SYN2: variants seen among roughly 807,000 people sequenced by gnomAD.
SYN2 encodes the protein synapsin-2.
A neutral mutation model predicts 50.9 loss-of-function variants in SYN2; 19 were observed. That is an observed-to-expected ratio of 0.37 (90% CI 0.26 to 0.55). The LOEUF (loss-of-function observed/expected upper bound fraction) is 0.55, where lower values mean the gene tolerates loss of function less well. Ranked by LOEUF, SYN2 falls within the 20% of genes least tolerant of loss-of-function variation. SYN2 has a pLI of 0.81. For synonymous variants in SYN2, 255 were observed against 224.9 expected (o/e 1.13, Z -1.20); for missense variants, 587 against 576.4 (o/e 1.02, Z -0.19).
At chr3:12,068,222 T>A (rs1695263169) in intron 1 of SYN2, among the ~76,000 whole-genome samples, 1 of 7,328 alleles carries the variant, frequency 1.4e-4, no homozygotes, top group South Asian at 0.014. Context: ...TGAAAATATC[T>A]TTATACTACC....
chr3:12,167,092 G>A, intron 7 of SYN2, 142 bp from the exon 8 acceptor site: 1 of 787,994 alleles, frequency 1.3e-6, no homozygotes, highest in South Asian at 1.6e-5. Flanking sequence ...CAGGCTCTAG[G>A]CTCAGCAGAC....
chr3:12,023,361 TC>T (rs57136089), intron 1 of SYN2, among the ~76,000 whole-genome samples: 1 of 151,236 alleles, frequency 6.6e-6, no homozygotes, highest in South Asian at 2.1e-4. Context: ...AGTAGTATTT[TC>T]CCCCCCCACC....
At chr3:12,069,335 G>A (rs910111247) in intron 1 of SYN2, among the ~76,000 whole-genome samples, 15 of 151,156 alleles carry the variant, frequency 9.9e-5, no homozygotes, top group African/African-American at 3.4e-4. Context: ...TGCAACCTCC[G>A]CCTCCCGGGT....
At chr3:12,073,270 G>A (rs1695401085) in intron 1 of SYN2, among the ~76,000 whole-genome samples, 2 of 152,184 alleles carry the variant, frequency 1.3e-5, no homozygotes, top group Non-Finnish European at 2.9e-5. Context: ...TTTCCTGTAT[G>A]GATTAAGGGG....
chr3:12,153,677 C>A (rs772534309), intron 5 of SYN2: 7 of 1,614,170 alleles, frequency 4.3e-6, no homozygotes, highest in Non-Finnish European at 5.9e-6. Context: ...CGTTAGGGGC[C>A]GAGATGGTAC....
intron 1 of SYN2, among the ~76,000 whole-genome samples, chr3:12,078,415 T>C (rs990537514): frequency 6.6e-6 from 1 of 152,368 alleles, no homozygotes; most frequent in East Asian, 1.9e-4. Flanking sequence ...TAAATTTTCT[T>C]CCAGGGATTT....
chr3:12,052,146 T>C (rs185097959), intron 1 of SYN2, among the ~76,000 whole-genome samples: 1 of 152,382 alleles, frequency 6.6e-6, no homozygotes, highest in African/African-American at 2.4e-5. Context: ...ATTTATTGAA[T>C]GCTAGCTACA....
At chr3:12,157,265 G>T in intron 5 of SYN2, 2 of 880,446 alleles carry the variant, frequency 2.3e-6, no homozygotes, top group Non-Finnish European at 1.8e-6. Context: ...TTCCACTTCA[G>T]TATCTAGACC....
At chr3:12,173,637 C>A (rs141889038) in intron 10 of SYN2, among the ~76,000 whole-genome samples, 1,622 of 152,250 alleles carry the variant, frequency 0.011, 28 homozygotes, top group African/African-American at 0.037. Flanking sequence ...TCCATGAGGC[C>A]AGACGCAGTG....
intron 1 of SYN2, among the ~76,000 whole-genome samples, chr3:12,086,344 G>A (rs1487431552): frequency 6.6e-6 from 1 of 152,086 alleles, no homozygotes; most frequent in African/African-American, 2.4e-5. Flanking sequence ...GAAGAGGAGG[G>A]AATACTTCCA....
intron 1 of SYN2, among the ~76,000 whole-genome samples, chr3:12,005,636 G>A (rs867146248): frequency 6.6e-6 from 1 of 151,442 alleles, no homozygotes; most frequent in Non-Finnish European, 1.5e-5. Flanking sequence ...GGGGCGGGGC[G>A]TGGAAGTGAA....
chr3:12,120,432 C>G (rs921992931), intron 1 of SYN2, among the ~76,000 whole-genome samples: 1 of 152,192 alleles, frequency 6.6e-6, no homozygotes, highest in African/African-American at 2.4e-5. Context: ...TTGTTTTTCT[C>G]TAGGACCCAG....
intron 1 of SYN2, among the ~76,000 whole-genome samples, chr3:12,114,187 C>T (rs933628493): frequency 6.6e-6 from 1 of 151,808 alleles, no homozygotes; most frequent in African/African-American, 2.4e-5. Context: ...ATTTGCATTC[C>T]CTTAATGACG....
intron 3 of SYN2, among the ~76,000 whole-genome samples, chr3:12,143,994 G>A (rs1001829903): frequency 2.0e-5 from 3 of 152,218 alleles, no homozygotes; most frequent in Non-Finnish European, 4.4e-5. Context: ...TGCAGCTGGG[G>A]CTGGAGGTGG....
At chr3:12,078,155 T>G (rs1229862270) in intron 1 of SYN2, among the ~76,000 whole-genome samples, 1 of 152,158 alleles carries the variant, frequency 6.6e-6, no homozygotes, top group Non-Finnish European at 1.5e-5. Flanking sequence ...GCCCACTTTT[T>G]AATGGGGTTG....
Position 12,169,879 on chromosome 3 carries a change from G to C in SYN2, c.1281G>C (p.Gln427His). Residue 427 changes from glutamine (Q) to histidine (H), a missense_variant, in exon 10 of 13, where the codon CAG (glutamine) becomes CAC (histidine). Physicochemically the swap from Gln to His is conservative, Grantham distance 24. Coordinates refer to ENST00000621198, the MANE Select transcript of SYN2 (RefSeq NM_133625.6). ...CCAGGACTCCTGCCCTGTCTCCTCA[G>C]AGACCCCTAACAACCCAGCAGCCAC... ...LLSRTPALSP[Q>H]RPLTTQQPQS... 1 of 1,611,890 alleles carries C rather than the reference G, an allele frequency of 6.2e-7. No individual in the cohort carries two copies. Among genetic ancestry groups the C allele is most frequent in the Non-Finnish European group, 8.5e-7 (1 of 1,179,000 alleles).
At chr3:12,186,827 C>G (rs1165317441) in intron 11 of SYN2, among the ~76,000 whole-genome samples, 2 of 152,148 alleles carry the variant, frequency 1.3e-5, no homozygotes, top group African/African-American at 4.8e-5. Context: ...GAAACACTAC[C>G]CCTTAAAAGA....
intron 1 of SYN2, among the ~76,000 whole-genome samples, chr3:12,019,858 A>G (rs755976112): frequency 2.1e-4 from 32 of 152,158 alleles, no homozygotes; most frequent in Non-Finnish European, 2.6e-4. Flanking sequence ...CACCGAAATA[A>G]AGCTGTGTCT....
At chr3:12,186,093 G>C (rs1344033207) in intron 11 of SYN2, among the ~76,000 whole-genome samples, 5 of 152,000 alleles carry the variant, frequency 3.3e-5, no homozygotes, top group East Asian at 1.9e-4. Context: ...CAGTGGCATA[G>C]ACATACAGTT....
Sources: allele counts gnomAD v4.1 joint callset (sites outside exome capture counted in the v4.1 genomes callset), GRCh38; gene constraint gnomAD v4.1.1; transcripts MANE v1.5; gene names NCBI Gene and HGNC (gene_info 2026-07-23, HGNC 2026-07-21).